The following SNTG1 variants were observed in gnomAD, a reference collection of about 807,000 sequenced individuals.
SNTG1 encodes the protein syntrophin gamma 1.
In SNTG1, 39 loss-of-function variants were observed where a neutral mutation model predicts 74.7. The observed-to-expected ratio is 0.52, with a 90% CI of 0.40 to 0.68. The LOEUF is 0.68. SNTG1 is among the 30% of genes least tolerant of loss of function. The pLI is 0.00. For synonymous variants in SNTG1, 254 were observed against 217.1 expected (o/e 1.17, Z -1.49); for missense variants, 685 against 609.5 (o/e 1.12, Z -1.30).
intron 17 of SNTG1, among the ~76,000 whole-genome samples, chr8:50,749,950 T>C (rs1024896354): frequency 6.6e-6 from 1 of 152,058 alleles, no homozygotes; most frequent in Non-Finnish European, 1.5e-5. Flanking sequence ...TCAAGTCTTA[T>C]TATTTAAGAA....
intron 2 of SNTG1, among the ~76,000 whole-genome samples, chr8:50,266,886 C>T (rs1020074681): frequency 6.6e-6 from 1 of 151,912 alleles, no homozygotes; most frequent in African/African-American, 2.4e-5. Context: ...CCCCTGAAGC[C>T]ACTCCCCTTG....
At chr8:49,953,660 T>C (rs1013353820) in intron 1 of SNTG1, among the ~76,000 whole-genome samples, 3 of 152,254 alleles carry the variant, frequency 2.0e-5, no homozygotes, top group Non-Finnish European at 2.9e-5. Context: ...CATCAGGGTA[T>C]GTTCAGAATT....
intron 2 of SNTG1, among the ~76,000 whole-genome samples, chr8:50,277,053 C>A (rs942989591): frequency 1.3e-5 from 2 of 152,070 alleles, no homozygotes; most frequent in African/African-American, 4.8e-5. Flanking sequence ...TGGTCTCGAT[C>A]TCCTGACCTT....
intron 9 of SNTG1, among the ~76,000 whole-genome samples, chr8:50,515,847 C>T (rs2094129020): frequency 6.6e-6 from 1 of 152,056 alleles, no homozygotes; most frequent in Non-Finnish European, 1.5e-5. Context: ...GGACAGAGCA[C>T]CTGGGGGAAG....
intron 2 of SNTG1, among the ~76,000 whole-genome samples, chr8:50,318,003 A>G (rs1343308371): frequency 6.6e-6 from 1 of 151,840 alleles, no homozygotes; most frequent in Admixed American, 6.6e-5. Flanking sequence ...CGCCCGGCTA[A>G]TTTTTTGTAT....
At chr8:50,179,458 C>T (rs547056086) in intron 2 of SNTG1, among the ~76,000 whole-genome samples, 13 of 152,130 alleles carry the variant, frequency 8.5e-5, no homozygotes, top group African/African-American at 2.4e-4. Flanking sequence ...AACTAAAAAA[C>T]ATTTGCATGG....
intron 2 of SNTG1, among the ~76,000 whole-genome samples, chr8:50,266,476 A>C (rs953638321): frequency 3.9e-5 from 6 of 152,022 alleles, no homozygotes; most frequent in African/African-American, 1.4e-4. Context: ...TAATACTATA[A>C]AAATCTTACA....
chr8:50,665,330 A>T (rs144697617), intron 15 of SNTG1, among the ~76,000 whole-genome samples: 284 of 152,222 alleles, frequency 1.9e-3, no homozygotes, highest in African/African-American at 6.7e-3. Context: ...TACAGAAAGA[A>T]AGAAGCCAAG....
intron 2 of SNTG1, among the ~76,000 whole-genome samples, chr8:50,296,736 A>G (rs562867418): frequency 6.6e-6 from 1 of 152,290 alleles, no homozygotes; most frequent in South Asian, 2.1e-4. Context: ...CTATGTAACA[A>G]ACCTGAATGT....
In SNTG1 at chr8:50,120,886, A is replaced by G. The variant is rs2131354901; in HGVS notation, c.-102-51675A>G. Among the ~76,000 whole-genome samples, 2 of 142,254 alleles carry G rather than the reference A, an allele frequency of 1.4e-5. 1 individual carries two copies. Among genetic ancestry groups the G allele is most frequent in the Non-Finnish European group, 3.1e-5 (2 of 63,840 alleles). 93.3% of individuals were successfully genotyped at this position (142,254 alleles called of 152,430 possible). ...AATGAACAAGTCATGTAGCCGTGGAATGAGTGCAGTTTTGCAGGACAACTG... is the reference window on the plus strand; with the variant it reads ...AATGAACAAGTCATGTAGCCGTGGAGTGAGTGCAGTTTTGCAGGACAACTG... On this transcript the variant is annotated intron_variant, in intron 1 of 18. Coordinates refer to ENST00000642720, the MANE Select transcript of SNTG1 (RefSeq NM_018967.5).
chr8:50,476,701 T>C (rs1170331217), intron 8 of SNTG1, among the ~76,000 whole-genome samples: 1 of 152,158 alleles, frequency 6.6e-6, no homozygotes, highest in Non-Finnish European at 1.5e-5. Flanking sequence ...TTTCTTGCTG[T>C]CCCAGCTGGA....
At chr8:50,382,079 GC>G (rs2131236292) in intron 2 of SNTG1, 1 of 151,824 alleles carries the variant, frequency 6.6e-6, no homozygotes, top group Non-Finnish European at 1.5e-5. Flanking sequence ...TTCTAGCCAT[GC>G]TGGCAGCTGA....
At chr8:50,249,354 T>C (rs1336834074) in intron 2 of SNTG1, among the ~76,000 whole-genome samples, 1 of 152,220 alleles carries the variant, frequency 6.6e-6, no homozygotes, top group East Asian at 1.9e-4. Context: ...TGCATGCACC[T>C]GTCCCCACCA....
chr8:50,470,556 T>C (rs2093644232), intron 8 of SNTG1, among the ~76,000 whole-genome samples: 1 of 151,866 alleles, frequency 6.6e-6, no homozygotes, highest in Admixed American at 6.6e-5. Context: ...CGTCCAGAGT[T>C]GTTTGTTCCT....
At chr8:49,918,709 A>AT (rs901946998) in intron 1 of SNTG1, among the ~76,000 whole-genome samples, 19 of 151,484 alleles carry the variant, frequency 1.3e-4, no homozygotes, top group South Asian at 4.2e-4. Context: ...ATATATGGCA[A>AT]TTTTTTTTTG....
intron 1 of SNTG1, among the ~76,000 whole-genome samples, chr8:49,969,725 T>G (rs1321035839): frequency 6.6e-6 from 1 of 152,050 alleles, no homozygotes. Context: ...GTTACATCCA[T>G]TACATATGAT....
intron 13 of SNTG1, among the ~76,000 whole-genome samples, chr8:50,622,077 C>T (rs1444731749): frequency 5.9e-5 from 9 of 152,134 alleles, no homozygotes; most frequent in Non-Finnish European, 1.2e-4. Context: ...TCCAACTTGC[C>T]TCAAGATTTT....
intron 8 of SNTG1, among the ~76,000 whole-genome samples, chr8:50,501,621 T>G (rs1254959818): frequency 1.3e-5 from 2 of 150,402 alleles, no homozygotes; most frequent in East Asian, 3.9e-4. Context: ...ATTTTTTTTT[T>G]TTTTTTTTGT....
At chr8:49,957,856 C>T (rs1810317854) in intron 1 of SNTG1, among the ~76,000 whole-genome samples, 1 of 152,086 alleles carries the variant, frequency 6.6e-6, no homozygotes, top group Admixed American at 6.5e-5. Context: ...GTCCCAGCTA[C>T]TCAGGAGGCT....
Sources: gnomAD v4.1 joint callset for allele counts (sites outside exome capture counted in the v4.1 genomes callset) on GRCh38, gnomAD v4.1.1 for gene constraint, MANE v1.5 for transcripts, NCBI Gene and HGNC (gene_info 2026-07-23, HGNC 2026-07-21) for gene names.